The following M1AP variants were observed in gnomAD, a reference collection of about 807,000 sequenced individuals.
M1AP encodes the protein meiosis 1 arrest protein.
Under a neutral mutation model 51.2 loss-of-function variants are expected in M1AP, and 39 were observed. The ratio of observed to expected loss-of-function variants is 0.76; its 90% confidence interval spans 0.59 to 1.00. The LOEUF (loss-of-function observed/expected upper bound fraction) is 1.00. Among genes scored for constraint, M1AP ranks in the 50% least tolerant of loss-of-function variants. M1AP has a pLI of 0.00. For missense variants in M1AP, 545 were observed against 641.2 expected, an observed-to-expected ratio of 0.85 and a Z score of 1.62; for synonymous variants, 251 against 249.2, an observed-to-expected ratio of 1.01 and a Z score of -0.07.
chr2:74,573,325 A>G (rs1269151845), intron 7 of M1AP, among the ~76,000 whole-genome samples: 1 of 149,866 alleles, frequency 6.7e-6, no homozygotes, highest in African/African-American at 2.5e-5. Context: ...AAGTGCTGGA[A>G]TTACAGGTAT....
intron 4 of M1AP, among the ~76,000 whole-genome samples, chr2:74,602,415 TTAATAA>T (rs939763358): frequency 2.6e-5 from 4 of 152,288 alleles, no homozygotes. Context: ...TTCAAAAATA[TTAATAA>T]TAAGTATAGC....
chr2:74,648,218 G>A lies in M1AP; in HGVS notation c.-53+47C>T, dbSNP rs1683718768. ...CCAGCCCAGCCTGCGAAGTGGTGCCGGCTGCTCTCGGGCTGCCCTCCCTCC... is the reference window on the plus strand; with the variant it reads ...CCAGCCCAGCCTGCGAAGTGGTGCCAGCTGCTCTCGGGCTGCCCTCCCTCC... On this transcript the variant is annotated intron_variant, in intron 1 of 10. Coordinates refer to ENST00000421985, the MANE Select transcript of M1AP (RefSeq NM_001321739.2). The A allele has an allele frequency of 4.1e-6, 4 of 965,410 alleles. No homozygotes were observed. The South Asian group carries it at 1.9e-4, about 46-fold the overall frequency. The allele number at this position is 965,410 out of a possible 1,614,324, so 59.8% of individuals were successfully genotyped here.
chr2:74,593,283 G>C (rs1055289739), intron 4 of M1AP, among the ~76,000 whole-genome samples: 1 of 152,184 alleles, frequency 6.6e-6, no homozygotes, highest in Admixed American at 6.5e-5. Context: ...AATTGAAAAA[G>C]AGTAAATAAG....
intron 1 of M1AP, among the ~76,000 whole-genome samples, chr2:74,647,082 C>G (rs1683654931): frequency 6.6e-6 from 1 of 152,172 alleles, no homozygotes; most frequent in African/African-American, 2.4e-5. Flanking sequence ...CTGGTTAAAA[C>G]TGGAACTGGG....
intron 2 of M1AP, among the ~76,000 whole-genome samples, chr2:74,633,648 T>G (rs1682822038): frequency 6.6e-6 from 1 of 152,206 alleles, no homozygotes; most frequent in Non-Finnish European, 1.5e-5. Flanking sequence ...TACCTATTGA[T>G]GGATTTCCAA....
intron 2 of M1AP, among the ~76,000 whole-genome samples, chr2:74,620,276 C>A (rs1039099554): frequency 6.6e-6 from 1 of 152,166 alleles, no homozygotes; most frequent in African/African-American, 2.4e-5. Context: ...TTGAGGCTTT[C>A]TTTGAAGAAA....
At chr2:74,561,199 A>AAGGAGGAGGAGG (rs770407711) in intron 8 of M1AP, among the ~76,000 whole-genome samples, 1 of 34,918 alleles carries the variant, frequency 2.9e-5, no homozygotes, top group African/African-American at 7.2e-5. Flanking sequence ...GGAGGAGGAG[A>AAGGAGGAGGAGG]AGGAGGAGGA....
At chr2:74,593,754 T>G (rs577473776) in intron 4 of M1AP, among the ~76,000 whole-genome samples, 3 of 152,104 alleles carry the variant, frequency 2.0e-5, no homozygotes, top group Non-Finnish European at 4.4e-5. Flanking sequence ...TGGAGAGGAG[T>G]TGAAACTTGG....
intron 5 of M1AP, among the ~76,000 whole-genome samples, chr2:74,578,010 C>A (rs1679178715): frequency 6.6e-6 from 1 of 152,196 alleles, no homozygotes; most frequent in African/African-American, 2.4e-5. Flanking sequence ...AGTGCACAAC[C>A]TAGATCCCTT....
intron 4 of M1AP, 146 bp from the exon 5 acceptor site, chr2:74,581,993 A>G (rs920384036): frequency 2.2e-5 from 15 of 671,400 alleles, no homozygotes; most frequent in Admixed American, 5.8e-5. Context: ...CACATGCACA[A>G]TCATTGCTCA....
At chr2:74,647,449 T>G in intron 1 of M1AP, 2 of 946,120 alleles carry the variant, frequency 2.1e-6, no homozygotes, top group Non-Finnish European at 2.5e-6. Flanking sequence ...CTAAGGCACT[T>G]TCGTCTTCGT....
At position 74,562,265 on chromosome 2, in the gene M1AP, G is replaced by A. The variant is rs745610891; in HGVS notation, c.1233C>T (p.Phe411=). ...ATRELMLPST[F]PLLPEDPHDD... is the part of the protein sequence containing the mutation. ...CATGTGGGTCCTCAGGTAGCAGGGG[G>A]AAGGTGCTGGGCAGCATCAGTTCCC... is the stretch of plus-strand genomic sequence containing the variant. Residue 411 remains phenylalanine, a synonymous_variant, in exon 8 of 11, where the codon TTC becomes TTT. Transcript: ENST00000421985. The A allele has an allele frequency of 6.1e-5, 98 of 1,614,162 alleles. No individual in the cohort carries two copies. Among genetic ancestry groups the A allele is most frequent in the Middle Eastern group, 1.6e-4 (1 of 6,062 alleles).
intron 1 of M1AP, among the ~76,000 whole-genome samples, chr2:74,642,113 A>G (rs1683330362): frequency 6.6e-6 from 1 of 152,188 alleles, no homozygotes; most frequent in South Asian, 2.1e-4. Flanking sequence ...TACAGGCGTG[A>G]GCCACGGCAC....
rs777511091 is a variant in M1AP at position 74,560,176 on chromosome 2, T to C, written c.1397A>G (p.His466Arg). The change falls in exon 9 of 11, where the codon CAC (histidine) becomes CGC (arginine). Residue 466 changes from histidine (H) to arginine (R), a missense_variant. Physicochemically the swap from His to Arg is conservative, Grantham distance 29. Transcript: ENST00000421985. ...YAKPQGRLHP[H>R]WESRAPRKHP... ...CTTTCTCGGAGCTCGGCTCTCCCAG[T>C]GTGGGTGGAGCCGCCCCTGAGGCTT... The C allele has an allele frequency of 6.2e-7, 1 of 1,613,698 alleles. No homozygotes were observed. The highest frequency in any genetic ancestry group is 8.5e-7 in the Non-Finnish European group (1 of 1,179,938).
At chr2:74,615,335 G>A (rs145155782) in intron 2 of M1AP, among the ~76,000 whole-genome samples, 186 bp from the exon 3 acceptor site, 68 of 152,280 alleles carry the variant, frequency 4.5e-4, no homozygotes, top group African/African-American at 1.3e-3. Context: ...TACACTAGCA[G>A]AAGGAAAATT....
At chr2:74,587,275 T>C (rs1418622825) in intron 4 of M1AP, among the ~76,000 whole-genome samples, 1 of 151,734 alleles carries the variant, frequency 6.6e-6, no homozygotes, top group Non-Finnish European at 1.5e-5. Context: ...CTCGGCTCAC[T>C]GCAAGCTCCA....
intron 3 of M1AP, among the ~76,000 whole-genome samples, chr2:74,609,651 G>A (rs1005848660): frequency 6.6e-6 from 1 of 152,138 alleles, no homozygotes; most frequent in African/African-American, 2.4e-5. Flanking sequence ...CTCCATAGTG[G>A]CTGTACTAAT....
Position 74,629,937 on chromosome 2 carries a change from C to A in M1AP, c.240+10099G>T, listed in dbSNP as rs1466163917. Among the ~76,000 whole-genome samples, 3 of 149,954 alleles carry A rather than the reference C, an allele frequency of 2.0e-5. No homozygotes were observed. In the East Asian group the frequency reaches 5.9e-4, roughly 29 times the overall value. ...TAAAGTATTTTGGATAAGAGATTCA[C>A]AACTTTTTTTTTTTTTTTTTTAAGA... On this transcript the variant is annotated intron_variant, in intron 2 of 10. Transcript: ENST00000421985.
intron 8 of M1AP, among the ~76,000 whole-genome samples, chr2:74,560,965 C>T (rs1677884425): frequency 6.6e-6 from 1 of 152,052 alleles, no homozygotes; most frequent in Admixed American, 6.6e-5. Flanking sequence ...AGCCAGCCCT[C>T]CCACTCTTAG....
Sources: allele counts gnomAD v4.1 joint callset (sites outside exome capture counted in the v4.1 genomes callset), GRCh38; gene constraint gnomAD v4.1.1; transcripts MANE v1.5; gene names NCBI Gene and HGNC (gene_info 2026-07-23, HGNC 2026-07-21).